Variants in TRAPPC14 observed in about 807,000 individuals in gnomAD.
TRAPPC14 encodes the protein microtubule associated protein 11.
In TRAPPC14, 24 loss-of-function variants were observed where a neutral mutation model predicts 56.6. The ratio of observed to expected loss-of-function variants is 0.42; its 90% CI spans 0.31 to 0.60. The LOEUF is 0.60. TRAPPC14 is among the 20% of genes least tolerant of loss of function. TRAPPC14 has a pLI of 0.14. For synonymous variants in TRAPPC14, 377 were observed against 347.0 expected (o/e 1.09, Z -0.96); for missense variants, 615 against 790.3 (o/e 0.78, Z 2.66).
Position 100,154,941 on chromosome 7 carries a change from C to G in TRAPPC14, c.*70G>C. On this transcript the variant is annotated 3_prime_UTR_variant, in exon 11 of 11. Transcript: ENST00000316937. ...GGAGGCATCCCAGGGGAGGCACAGC[C>G]CGGGAGCAGGGATCCCCTCTGGGGG... 1.9e-6 allele frequency: 3 copies of G among 1,540,382 alleles called. No individual in the cohort carries two copies. The highest frequency in any genetic ancestry group is 2.2e-5 in the South Asian group (2 of 89,306).
chr7:100,157,089 C>T lies in TRAPPC14; in HGVS notation c.845+5G>A. 1 of 1,614,168 alleles carries T rather than the reference C, an allele frequency of 6.2e-7. No homozygotes were observed. Reference sequence around the variant, plus strand: ...TTCACAGCCTCGCCCCTCCCAGGACCTCACCAGACATTGTCCACCAGCAGC... The same window carrying T: ...TTCACAGCCTCGCCCCTCCCAGGACTTCACCAGACATTGTCCACCAGCAGC... On this transcript the variant is annotated splice_donor_5th_base_variant and intron_variant, in intron 5 of 10. Coordinates refer to ENST00000316937, the MANE Select transcript of TRAPPC14 (RefSeq NM_018275.5).
At chr7:100,156,750 T>C in intron 6 of TRAPPC14, 34 bp from the exon 7 acceptor site, 4 of 1,601,110 alleles carry the variant, frequency 2.5e-6, no homozygotes, top group Non-Finnish European at 3.4e-6. Flanking sequence ...GGCACAGGTA[T>C]TAAGAGTGCC....
In TRAPPC14 at chr7:100,155,772, C is replaced by G; in HGVS notation, c.1294G>C (p.Val432Leu). The G allele has an allele frequency of 6.2e-7, 1 of 1,614,190 alleles. No individual in the cohort carries two copies. The highest frequency in any genetic ancestry group is 1.1e-5 in the South Asian group (1 of 91,088). Reference sequence around the variant, plus strand: ...TTGTTGAGGGGCGTGTGGCAGACGACGGAGTCCAGGGCAGCCTGCATGGCC... The same window carrying G: ...TTGTTGAGGGGCGTGTGGCAGACGAGGGAGTCCAGGGCAGCCTGCATGGCC... The part of the protein sequence containing the change: ...RRAMQAALDS[V>L]VCHTPLNNLG... The change falls in exon 9 of 11, where the codon GTC (valine) becomes CTC (leucine). Residue 432 changes from valine to leucine, a missense_variant. Physicochemically the swap from Val to Leu is conservative, Grantham distance 32 (BLOSUM62 1). Transcript: ENST00000316937.
chr7:100,156,263 A>G (rs1798879219), intron 8 of TRAPPC14, 123 bp downstream of exon 8: 4 of 960,834 alleles, frequency 4.2e-6, no homozygotes, highest in African/African-American at 1.6e-5. Context: ...GCCACCTGCC[A>G]CAAGTCGCCT....
Position 100,156,826 on chromosome 7 carries a change from A to G in TRAPPC14, c.993+19T>C. 6 of 1,613,552 alleles carry G rather than the reference A, an allele frequency of 3.7e-6. No homozygotes were observed. Among genetic ancestry groups the G allele is most frequent in the Non-Finnish European group, 5.1e-6 (6 of 1,179,802 alleles). ...TGCCTTATCACTTTTCTTTGAACAC[A>G]CCAGCCCCTTATGCTCACCTCCTTG... On this transcript the variant is annotated intron_variant, in intron 6 of 10. Coordinates refer to ENST00000316937, the MANE Select transcript of TRAPPC14 (RefSeq NM_018275.5).
In TRAPPC14 at chr7:100,157,413, C is replaced by CCGGCATCT; in HGVS notation, c.676_683dup (p.Gln229AspfsTer12). The CCGGCATCT allele has an allele frequency of 6.2e-7, 1 of 1,614,054 alleles. No homozygotes were observed. Among genetic ancestry groups the CCGGCATCT allele is most frequent in the Non-Finnish European group, 8.5e-7 (1 of 1,180,028 alleles). ...AGTGTTTTCCAGCCACAGTGAACTG[C>CCGGCATCT]CGGCATCTCAGAACCGGAGGGGGCA... On this transcript the variant is annotated frameshift_variant, in exon 4 of 11. Transcript: ENST00000316937. LOFTEE classifies it high-confidence loss of function.
rs369987826 is a variant in TRAPPC14 at position 100,155,265 on chromosome 7, A to G, written c.1586T>C (p.Met529Thr). Residue 529 changes from methionine to threonine, a missense_variant, in exon 10 of 11, where the codon ATG becomes ACG. By Grantham distance (81) the Met-to-Thr change is moderately conservative (BLOSUM62 -1). Coordinates refer to ENST00000316937, the MANE Select transcript of TRAPPC14 (RefSeq NM_018275.5). The part of the protein sequence containing the change: ...SHQQPSRSHL[M>T]RSGSVMERRA... ...GCCACGCCCCCTGGTTCTGTACCTCATGAGGTGGCTTCGGGAAGGCTGCTG... is the reference window on the plus strand; with the variant it reads ...GCCACGCCCCCTGGTTCTGTACCTCGTGAGGTGGCTTCGGGAAGGCTGCTG... 143 of 1,573,026 alleles carry G rather than the reference A, an allele frequency of 9.1e-5. No individual in the cohort carries two copies. The highest frequency in any genetic ancestry group is 1.2e-4 in the Non-Finnish European group (141 of 1,159,836).
rs541011415 is a variant in TRAPPC14 at position 100,154,799 on chromosome 7, C to T, written c.*212G>A. Reference sequence around the variant, plus strand: ...GGGGCCAGCCCCCCCCACAGGAACTCGGGGAATACTGGTGGCTTAGTCCCA... The same window carrying T: ...GGGGCCAGCCCCCCCCACAGGAACTTGGGGAATACTGGTGGCTTAGTCCCA... On this transcript the variant is annotated 3_prime_UTR_variant, in exon 11 of 11. Coordinates refer to ENST00000316937, the MANE Select transcript of TRAPPC14 (RefSeq NM_018275.5). The T allele has an allele frequency of 8.5e-5, 51 of 599,314 alleles. No homozygotes were observed. Among genetic ancestry groups the T allele is most frequent in the Non-Finnish European group, 1.0e-4 (34 of 337,790 alleles). The allele number at this position is 599,314 out of a possible 1,614,324, so 37.1% of individuals were successfully genotyped here.
chr7:100,155,897 C>T, intron 8 of TRAPPC14, 72 bp from the exon 9 acceptor site: 1 of 1,585,182 alleles, frequency 6.3e-7, no homozygotes, highest in Non-Finnish European at 8.7e-7. Context: ...CCAGCACAGT[C>T]TCATCTGATT....
At chr7:100,156,806 T>C (rs1382517605) in intron 6 of TRAPPC14, 39 bp downstream of exon 6, 4 of 1,609,624 alleles carry the variant, frequency 2.5e-6, no homozygotes, top group Non-Finnish European at 3.4e-6. Context: ...CCCACTGCCT[T>C]ATCACTTTTC....
chr7:100,157,335 T>C, intron 4 of TRAPPC14, 38 bp downstream of exon 4: 1 of 1,613,376 alleles, frequency 6.2e-7, no homozygotes, highest in Non-Finnish European at 8.5e-7. Flanking sequence ...TCAGTTCCCT[T>C]GTTGCTCCCG....
rs753834719 is a variant in TRAPPC14 at position 100,157,149 on chromosome 7, C to T, written c.790G>A (p.Ala264Thr). 6 of 1,614,046 alleles carry T rather than the reference C, an allele frequency of 3.7e-6. No homozygotes were observed. In the Admixed American group the frequency reaches 5.0e-5, roughly 13 times the overall value. ...TCGGGCATGACAGGTAGATAACTGG[C>T]GTTGAAGTTGGGGAGGATTCGGATA... Reference protein sequence around the residue: ...WDIRILPNFNASYLPVMPDGS... With the variant: ...WDIRILPNFNTSYLPVMPDGS... Residue 264 changes from alanine to threonine, a missense_variant, in exon 5 of 11, where the codon GCC becomes ACC. Transcript: ENST00000316937.
At position 100,158,701 on chromosome 7, in the gene TRAPPC14, A is replaced by C. The variant is rs903567161; in HGVS notation, c.-202T>G. Reference sequence around the variant, plus strand: ...CGCCGGAACCGGGGTACTGAGCCGAATGACTGGAGAGAAACAGGAAGCGGA... The same window carrying C: ...CGCCGGAACCGGGGTACTGAGCCGACTGACTGGAGAGAAACAGGAAGCGGA... On this transcript the variant is annotated 5_prime_UTR_variant, in exon 1 of 11. Coordinates refer to ENST00000316937, the MANE Select transcript of TRAPPC14 (RefSeq NM_018275.5). The C allele has an allele frequency of 2.3e-6, 1 of 434,726 alleles. No homozygotes were observed. Among genetic ancestry groups the C allele is most frequent in the East Asian group, 3.6e-5 (1 of 27,460 alleles). 26.9% of individuals were successfully genotyped at this position (434,726 alleles called of 1,614,324 possible).
In TRAPPC14 at chr7:100,157,775, A is replaced by C. The variant is rs1200466058; in HGVS notation, c.508-13T>G. ...CAGTCACTACAATCTGTCAAGAGGA[A>C]AGACAGATGGCTGAGCCCGGAAAAG... On this transcript the variant is annotated splice_polypyrimidine_tract_variant and intron_variant, in intron 2 of 10. Coordinates refer to ENST00000316937, the MANE Select transcript of TRAPPC14 (RefSeq NM_018275.5). 3.1e-6 allele frequency: 5 copies of C among 1,614,200 alleles called. No homozygotes were observed. The highest frequency in any genetic ancestry group is 3.4e-6 in the Non-Finnish European group (4 of 1,180,018).
In TRAPPC14 at chr7:100,158,462, G is replaced by A; in HGVS notation, c.38C>T (p.Ala13Val). The change falls in exon 1 of 11, where the codon GCC becomes GTC. Residue 13 changes from alanine to valine, a missense_variant. Ala to Val is a moderately conservative substitution (Grantham distance 64, BLOSUM62 0). Coordinates refer to ENST00000316937, the MANE Select transcript of TRAPPC14 (RefSeq NM_018275.5). The part of the protein sequence containing the change: ...SQCDYSMYFP[A>V]VPLPPRAELA... ...CTCCGCGCGCGGCGGCAGCGGCACG[G>A]CCGGGAAGTACATCGAGTAGTCGCA... is the stretch of plus-strand genomic sequence containing the variant. The A allele has an allele frequency of 7.2e-7, 1 of 1,384,202 alleles. No individual in the cohort carries two copies. The allele number at this position is 1,384,202 out of a possible 1,614,324, so 85.7% of individuals were successfully genotyped here. A position where few individuals can be genotyped will look rare whatever the true frequency, so the allele number is the denominator to read the frequency against.
intron 3 of TRAPPC14, 70 bp from the exon 4 acceptor site, chr7:100,157,529 C>T: frequency 6.2e-7 from 1 of 1,606,636 alleles, no homozygotes; most frequent in Non-Finnish European, 8.5e-7. Flanking sequence ...AGAATTCTCA[C>T]CTTCCTCTTC....
intron 5 of TRAPPC14, 23 bp downstream of exon 5, chr7:100,157,071 C>A: frequency 6.2e-7 from 1 of 1,613,972 alleles, no homozygotes; most frequent in Non-Finnish European, 8.5e-7. Flanking sequence ...CACTTCACAG[C>A]CTCGCCCCTC....
At position 100,154,860 on chromosome 7, in the gene TRAPPC14, C is replaced by G; in HGVS notation, c.*151G>C. ...CCCACTTCACAGCTTCTTCCCCCATCCCTCATCAGCAGACACAAGACAGGC... is the reference window on the plus strand; with the variant it reads ...CCCACTTCACAGCTTCTTCCCCCATGCCTCATCAGCAGACACAAGACAGGC... On this transcript the variant is annotated 3_prime_UTR_variant, in exon 11 of 11. Coordinates refer to ENST00000316937, the MANE Select transcript of TRAPPC14 (RefSeq NM_018275.5). 1 of 719,022 alleles carries G rather than the reference C, an allele frequency of 1.4e-6. No homozygotes were observed. Among genetic ancestry groups the G allele is most frequent in the Non-Finnish European group, 2.4e-6 (1 of 416,244 alleles). 44.5% of individuals were successfully genotyped at this position (719,022 alleles called of 1,614,324 possible).
At position 100,158,317 on chromosome 7, in the gene TRAPPC14, C is replaced by G; in HGVS notation, c.183G>C (p.Gly61=). 1 of 1,462,688 alleles carries G rather than the reference C, an allele frequency of 6.8e-7. No individual in the cohort carries two copies. The highest frequency in any genetic ancestry group is 9.0e-7 in the Non-Finnish European group (1 of 1,112,776). The allele number at this position is 1,462,688 out of a possible 1,614,324, so 90.6% of individuals were successfully genotyped here. The part of the protein sequence containing the change: ...RCRGGAGSGT[G]GGPGLGSRGA... ...CTCTGGAGCCCAAGCCCGGGCCGCC[C>G]CCGGTGCCGGACCCCGCACCGCCCC... The change falls in exon 1 of 11, where the codon GGG becomes GGC. Residue 61 remains glycine, a synonymous_variant. Coordinates refer to ENST00000316937, the MANE Select transcript of TRAPPC14 (RefSeq NM_018275.5).
Sources: gnomAD v4.1 joint callset for allele counts on GRCh38, gnomAD v4.1.1 for gene constraint, MANE v1.5 for transcripts, NCBI Gene and HGNC (gene_info 2026-07-23, HGNC 2026-07-21) for gene names.